The following SLTM variants were observed in gnomAD, a reference collection of about 807,000 sequenced individuals.
The protein encoded by SLTM is SAFB like transcription modulator, also known as SAFB-like transcription modulator.
SLTM carries 43 observed loss-of-function variants against 134.6 expected under a neutral mutation model. That is an observed-to-expected ratio of 0.32 (90% CI 0.25 to 0.41). SLTM has a LOEUF of 0.41. Among genes scored for constraint, SLTM ranks in the 10% least tolerant of loss-of-function variants. The probability of loss-of-function intolerance (pLI) is 1.00; values close to 1 mark genes in which losing one functional copy is unlikely to be tolerated. For synonymous variants in SLTM, 424 were observed against 432.3 expected, an observed-to-expected ratio of 0.98 and a Z score of 0.24; for missense variants, 1,055 against 1,288.8, an observed-to-expected ratio of 0.82 and a Z score of 2.78.
chr15:58,893,809 T>C lies in SLTM; in HGVS notation c.1648+12A>G, dbSNP rs2034854011. On this transcript the variant is annotated intron_variant, in intron 12 of 20. Coordinates refer to ENST00000380516, the MANE Select transcript of SLTM (RefSeq NM_024755.4). ...ATGCATTAGAAAGGGATTGAAAAGA[T>C]GTATAGCATACTTATTCGCTTCTTT... 1.9e-6 allele frequency: 3 copies of C among 1,598,902 alleles called. No homozygotes were observed. Among genetic ancestry groups the C allele is most frequent in the South Asian group, 1.1e-5 (1 of 87,032 alleles).
intron 18 of SLTM, 22 bp from the exon 19 acceptor site, chr15:58,887,141 C>T (rs755791259): frequency 6.2e-7 from 1 of 1,613,742 alleles, no homozygotes; most frequent in South Asian, 1.1e-5. Context: ...AACATAAAAA[C>T]ATACATGATC....
intron 5 of SLTM, among the ~76,000 whole-genome samples, chr15:58,907,026 T>C (rs1245671508): frequency 1.3e-5 from 2 of 152,222 alleles, no homozygotes; most frequent in Admixed American, 6.5e-5. Context: ...TAGATGAATT[T>C]ACCTATAAAA....
intron 19 of SLTM, 68 bp downstream of exon 19, chr15:58,886,907 C>A (rs1158884572): frequency 6.4e-7 from 1 of 1,574,306 alleles, no homozygotes. Context: ...TACTGTATAT[C>A]CAGAGTAGCT....
chr15:58,902,389 G>GTTT (rs11380812), intron 5 of SLTM, among the ~76,000 whole-genome samples: 6 of 142,818 alleles, frequency 4.2e-5, no homozygotes, highest in African/African-American at 5.2e-5. Context: ...TGTTTTGATT[G>GTTT]TTTTTTTTTT....
Position 58,888,405 on chromosome 15 carries a change from T to C in SLTM, c.2355A>G (p.Val785=). 6.2e-7 allele frequency: 1 copy of C among 1,609,292 alleles called. No individual in the cohort carries two copies. The highest frequency in any genetic ancestry group is 8.5e-7 in the Non-Finnish European group (1 of 1,178,784). The change falls in exon 17 of 21, where the codon GTA becomes GTG. Residue 785 remains valine, a synonymous_variant. Coordinates refer to ENST00000380516, the MANE Select transcript of SLTM (RefSeq NM_024755.4). The part of the protein sequence containing the change: ...ERGRFPESSA[V]QSSSFERRDR... ...TCTACCTTTCAAAAGATGAAGACTG[T>C]ACTGCTGAACTCTCAGGAAACCTGC...
intron 19 of SLTM, among the ~76,000 whole-genome samples, chr15:58,884,545 T>C (rs1488132502): frequency 5.3e-5 from 8 of 152,054 alleles, no homozygotes; most frequent in East Asian, 3.9e-4. Flanking sequence ...TCTTGATCTC[T>C]TGACTTCATG....
chr15:58,891,615 C>T (rs1188959155), intron 14 of SLTM, among the ~76,000 whole-genome samples: 2 of 152,150 alleles, frequency 1.3e-5, no homozygotes, highest in African/African-American at 4.8e-5. Flanking sequence ...TGACATACAA[C>T]GTCAGTCTGT....
In SLTM at chr15:58,879,328, T is replaced by C. The variant is rs1222284320; in HGVS notation, c.*671A>G. The C allele has an allele frequency of 1.3e-5, 2 of 152,434 alleles. No homozygotes were observed. Among genetic ancestry groups the C allele is most frequent in the Non-Finnish European group, 2.9e-5 (2 of 68,046 alleles). 9.4% of individuals were successfully genotyped at this position (152,434 alleles called of 1,614,324 possible). A position where few individuals can be genotyped will look rare whatever the true frequency, so the allele number is the denominator to read the frequency against. ...CATGGCCAAGGTTTCATGAATCTATTTGGTTTCATACCATGCAAACCTGAA... is the reference window on the plus strand; with the variant it reads ...CATGGCCAAGGTTTCATGAATCTATCTGGTTTCATACCATGCAAACCTGAA... On this transcript the variant is annotated 3_prime_UTR_variant, in exon 21 of 21. Transcript: ENST00000380516.
At chr15:58,924,048 C>T (rs1466810281) in intron 2 of SLTM, among the ~76,000 whole-genome samples, 2 of 152,068 alleles carry the variant, frequency 1.3e-5, no homozygotes, top group Non-Finnish European at 2.9e-5. Flanking sequence ...CTCCTGGCCT[C>T]AAGTGATCCA....
At chr15:58,884,102 A>C (rs2033977145) in intron 19 of SLTM, among the ~76,000 whole-genome samples, 1 of 150,844 alleles carries the variant, frequency 6.6e-6, no homozygotes, top group Non-Finnish European at 1.5e-5. Context: ...CCCATCTCAA[A>C]AAAAAAAAAA....
At chr15:58,918,628 C>G (rs1462076020) in intron 2 of SLTM, among the ~76,000 whole-genome samples, 2 of 152,180 alleles carry the variant, frequency 1.3e-5, no homozygotes, top group Non-Finnish European at 2.9e-5. Context: ...TGTTAACTTT[C>G]TATTTACAAT....
Position 58,933,671 on chromosome 15 carries a change from G to T in SLTM, c.-106C>A. On this transcript the variant is annotated 5_prime_UTR_variant, in exon 1 of 21. Transcript: ENST00000380516. The stretch of plus-strand genomic sequence containing the variant: ...GCGGCCGCCGGCGCCGCGCAGCGCT[G>T]CGCACAATGAGCCGCTGGCCCCTCC... 7.5e-7 allele frequency: 1 copy of T among 1,329,970 alleles called. No individual in the cohort carries two copies. 82.4% of individuals were successfully genotyped at this position (1,329,970 alleles called of 1,614,324 possible). A position where few individuals can be genotyped will look rare whatever the true frequency, so the allele number is the denominator to read the frequency against.
intron 5 of SLTM, among the ~76,000 whole-genome samples, chr15:58,902,729 G>GTT (rs113107047): frequency 1.2e-4 from 17 of 140,348 alleles, no homozygotes; most frequent in African/African-American, 3.6e-4. Context: ...GTTTTGTCTT[G>GTT]TTTTTTTTTT....
intron 5 of SLTM, among the ~76,000 whole-genome samples, chr15:58,902,586 C>T (rs1460376262): frequency 6.6e-6 from 1 of 151,396 alleles, no homozygotes; most frequent in African/African-American, 2.4e-5. Context: ...GAGACGAGGT[C>T]TTGCTATGTT....
Position 58,880,007 on chromosome 15 carries a change from G to A in SLTM, c.3097C>T (p.Arg1033Ter), listed in dbSNP as rs1439372204. The A allele has an allele frequency of 3.1e-6, 5 of 1,613,260 alleles. No homozygotes were observed. Among genetic ancestry groups the A allele is most frequent in the African/African-American group, 1.3e-5 (1 of 74,994 alleles). ...FKPFKGGPPR[R>*]F is the part of the protein sequence containing the mutation. ...TGGCAGAGAGCTCATTTTCAGAATC[G>A]TCGCGGAGGTCCACCCTTAAATGGC... is the stretch of plus-strand genomic sequence containing the variant. The change falls in exon 21 of 21, where the codon CGA becomes TGA. Residue 1033 changes from arginine to a stop codon, truncating the protein, a stop_gained. Transcript: ENST00000380516. LOFTEE classifies it high-confidence loss of function.
At position 58,888,432 on chromosome 15, in the gene SLTM, C is replaced by T; in HGVS notation, c.2328G>A (p.Arg776=). ...NRFNDFDHRE[R]GRFPESSAVQ... ...CTGCTGAACTCTCAGGAAACCTGCC[C>T]CTCTCTCGGTGATCAAAGTCATTAA... The change falls in exon 17 of 21, where the codon AGG becomes AGA. Residue 776 remains arginine (R), a synonymous_variant. Transcript: ENST00000380516. 6.2e-7 allele frequency: 1 copy of T among 1,613,078 alleles called. No homozygotes were observed. Among genetic ancestry groups the T allele is most frequent in the Non-Finnish European group, 8.5e-7 (1 of 1,179,772 alleles).
intron 5 of SLTM, among the ~76,000 whole-genome samples, chr15:58,902,098 A>AGCTTAATTT (rs1319012738): frequency 6.6e-6 from 1 of 152,222 alleles, no homozygotes; most frequent in Admixed American, 6.5e-5. Context: ...GGAAGGGAGA[A>AGCTTAATTT]GCTTAATTTG....
At chr15:58,931,282 T>C (rs113417559) in intron 2 of SLTM, among the ~76,000 whole-genome samples, 8 of 152,312 alleles carry the variant, frequency 5.3e-5, no homozygotes, top group African/African-American at 1.9e-4. Flanking sequence ...TTATTAGCCC[T>C]TTTCAATTTC....
At chr15:58,922,610 ATATAT>A (rs552825502) in intron 2 of SLTM, among the ~76,000 whole-genome samples, 2,364 of 146,898 alleles carry the variant, frequency 0.016, 61 homozygotes, top group African/African-American at 0.054. Flanking sequence ...TACGTATAAA[ATATAT>A]TATATACATG....
Sources: gnomAD v4.1 joint callset for allele counts (sites outside exome capture counted in the v4.1 genomes callset) on GRCh38, gnomAD v4.1.1 for gene constraint, MANE v1.5 for transcripts, NCBI Gene and HGNC (gene_info 2026-07-23, HGNC 2026-07-21) for gene names.